Variants in CACNA1H observed in about 807,000 individuals in gnomAD.
The protein encoded by CACNA1H is voltage-dependent T-type calcium channel subunit alpha-1H.
A neutral mutation model predicts 192.5 loss-of-function variants in CACNA1H; 149 were observed. The observed-to-expected ratio is 0.77, with a 90% CI of 0.68 to 0.89. CACNA1H has a LOEUF of 0.89. Among genes scored for constraint, CACNA1H ranks in the 40% least tolerant of loss-of-function variants. The pLI, the probability that CACNA1H is intolerant of heterozygous loss-of-function variation, is 0.00. For missense variants in CACNA1H, 4,257 were observed against 3,423.5 expected, an observed-to-expected ratio of 1.24 and a Z score of -6.08; for synonymous variants, 2,202 against 1,475.2, an observed-to-expected ratio of 1.49 and a Z score of -11.29.
At chr16:1,172,152 A>T (rs967487808) in intron 2 of CACNA1H, among the ~76,000 whole-genome samples, 4 of 152,166 alleles carry the variant, frequency 2.6e-5, no homozygotes, top group Non-Finnish European at 4.4e-5. Flanking sequence ...TGGGCCGCAC[A>T]CGGTGGGTGT....
At chr16:1,216,895 C>T (rs758658400) in intron 30 of CACNA1H, 37 bp from the exon 31 acceptor site, 25 of 1,549,120 alleles carry the variant, frequency 1.6e-5, no homozygotes, top group Middle Eastern at 1.7e-4. Flanking sequence ...CCTCCCTGCC[C>T]GCCCGTCTGA....
At chr16:1,197,030 C>A (rs1211827632) in intron 5 of CACNA1H, among the ~76,000 whole-genome samples, 1 of 152,176 alleles carries the variant, frequency 6.6e-6, no homozygotes, top group Non-Finnish European at 1.5e-5. Flanking sequence ...TGCAGCAACC[C>A]CCCAAAGTCA....
At chr16:1,217,388 A>G (rs1007404950) in intron 31 of CACNA1H, among the ~76,000 whole-genome samples, 1 of 152,054 alleles carries the variant, frequency 6.6e-6, no homozygotes, top group Non-Finnish European at 1.5e-5. Context: ...GTCTCCCCTT[A>G]CCTGGTGGCC....
intron 2 of CACNA1H, among the ~76,000 whole-genome samples, chr16:1,170,629 T>C (rs1053621615): frequency 6.6e-6 from 1 of 152,072 alleles, no homozygotes; most frequent in African/African-American, 2.4e-5. Context: ...TGGAGCCTGG[T>C]CGGCATCCTG....
At chr16:1,173,707 G>T (rs1446117195) in intron 2 of CACNA1H, among the ~76,000 whole-genome samples, 3 of 152,240 alleles carry the variant, frequency 2.0e-5, no homozygotes, top group African/African-American at 7.2e-5. Context: ...AGGAGGGTGG[G>T]GCTCCCCGGC....
rs74004853 is a variant in CACNA1H at position 1,181,364 on chromosome 16, G to A, written c.300-13608G>A. Among the ~76,000 whole-genome samples the A allele has an allele frequency of 3.6e-3, 548 of 152,396 alleles. 1 individual carries two copies. Among genetic ancestry groups the A allele is most frequent in the African/African-American group, 0.013 (529 of 41,598 alleles). On this transcript the variant is annotated intron_variant, in intron 2 of 34. Coordinates refer to ENST00000348261, the MANE Select transcript of CACNA1H (RefSeq NM_021098.3). ...GGCCCTGACCGGGGACAGCTGCCGA[G>A]CCCCCGGCAACGGTGGGAGCTGAGC...
At chr16:1,219,177 G>T (rs1479134142) in intron 34 of CACNA1H, 47 bp downstream of exon 34, 2 of 1,468,834 alleles carry the variant, frequency 1.4e-6, no homozygotes, top group African/African-American at 1.4e-5. Flanking sequence ...GGGATGGGGG[G>T]CTTGCAGGGA....
At chr16:1,219,345 C>T (rs1032272791) in intron 34 of CACNA1H, among the ~76,000 whole-genome samples, 1 of 152,220 alleles carries the variant, frequency 6.6e-6, no homozygotes, top group South Asian at 2.1e-4. Flanking sequence ...GGCTACAGAG[C>T]TCTTGGCTAC....
In CACNA1H at chr16:1,195,569, G is replaced by T. The variant is rs1418796576; in HGVS notation, c.545+4G>T. 6.3e-7 allele frequency: 1 copy of T among 1,583,916 alleles called. No individual in the cohort carries two copies. The highest frequency in any genetic ancestry group is 8.6e-7 in the Non-Finnish European group (1 of 1,165,744). ...ATTTCTTCATCGTCGTGGCGGGGTAGGCCCCGCCTGGGAGAGGCCACAGCG... is the reference window on the plus strand; with the variant it reads ...ATTTCTTCATCGTCGTGGCGGGGTATGCCCCGCCTGGGAGAGGCCACAGCG... On this transcript the variant is annotated splice_donor_region_variant and intron_variant, in intron 4 of 34. Transcript: ENST00000348261.
chr16:1,176,245 C>T (rs980850016), intron 2 of CACNA1H, among the ~76,000 whole-genome samples: 7 of 152,250 alleles, frequency 4.6e-5, no homozygotes, highest in African/African-American at 1.7e-4. Flanking sequence ...CGGTTCTGAG[C>T]TTGGAGCTCT....
In CACNA1H at chr16:1,218,040, G is replaced by A. The variant is rs879644700; in HGVS notation, c.5445G>A (p.Lys1815=). 4 of 1,592,598 alleles carry A rather than the reference G, an allele frequency of 2.5e-6. No homozygotes were observed. The highest frequency in any genetic ancestry group is 3.4e-6 in the Non-Finnish European group (4 of 1,168,056). Residue 1815 remains lysine (K), a splice_region_variant and synonymous_variant, in exon 32 of 35, where the codon AAG becomes AAA. Transcript: ENST00000348261. ...GGGACAACTGGAACGGGATCATGAA[G>A]GTACCCGCCGCGGCCATGCCTCTGG... The part of the protein sequence containing the change: ...STGDNWNGIM[K]DTLRECSRED...
intron 2 of CACNA1H, among the ~76,000 whole-genome samples, chr16:1,194,701 C>G (rs1024098888): frequency 6.6e-6 from 1 of 152,174 alleles, no homozygotes; most frequent in Admixed American, 6.5e-5. Flanking sequence ...GGCTCCTGCA[C>G]CCCGCTTTCC....
In CACNA1H at chr16:1,200,507, C is replaced by G; in HGVS notation, c.1055C>G (p.Ser352Cys). 1 of 1,612,340 alleles carries G rather than the reference C, an allele frequency of 6.2e-7. No individual in the cohort carries two copies. Among genetic ancestry groups the G allele is most frequent in the Non-Finnish European group, 8.5e-7 (1 of 1,179,730 alleles). ...TACAACGTGTGCCGCTCGGGTGACT[C>G]CAACCCCCACAACGGTGCCATCAAC... ...QYYNVCRSGD[S>C]NPHNGAINFD... is the part of the protein sequence containing the mutation. The change falls in exon 7 of 35, where the codon TCC becomes TGC. Residue 352 changes from serine to cysteine, a missense_variant. Physicochemically the swap from Ser to Cys is moderately radical, Grantham distance 112 (BLOSUM62 -1). Coordinates refer to ENST00000348261, the MANE Select transcript of CACNA1H (RefSeq NM_021098.3).
intron 14 of CACNA1H, 106 bp from the exon 15 acceptor site, chr16:1,207,664 C>T (rs1394206374): frequency 3.7e-6 from 4 of 1,083,818 alleles, no homozygotes; most frequent in Non-Finnish European, 5.5e-6. Flanking sequence ...CCTCTGGGCC[C>T]TTCTGTCCAC....
rs779011503 is a variant in CACNA1H at position 1,206,204 on chromosome 16, C to T, written c.2704C>T (p.Arg902Trp). Residue 902 changes from arginine to tryptophan, a missense_variant, in exon 12 of 35, where the codon CGG becomes TGG. Arg to Trp is a moderately radical substitution (Grantham distance 101). Transcript: ENST00000348261. The stretch of plus-strand genomic sequence containing the variant: ...GCTGGTGCGCTTTCTGCCAGCCCTG[C>T]GGCGCCAGCTCGTGGTGCTGGTGAA... ...LKLVRFLPAL[R>W]RQLVVLVKTM... The T allele has an allele frequency of 2.6e-5, 41 of 1,593,828 alleles. No individual in the cohort carries two copies. Among genetic ancestry groups the T allele is most frequent in the Non-Finnish European group, 3.3e-5 (39 of 1,171,250 alleles).
chr16:1,215,452 G>A (rs557127799), intron 29 of CACNA1H, 71 bp from the exon 30 acceptor site: 69 of 1,578,494 alleles, frequency 4.4e-5, no homozygotes, highest in Admixed American at 2.8e-4. Flanking sequence ...AGTGAGGGGC[G>A]GGGCGGCCAG....
Position 1,204,427 on chromosome 16 carries a change from C to T in CACNA1H, c.2420C>T (p.Thr807Met), listed in dbSNP as rs773952204. ...ATCATGATGGCCATCCTTGTCAACA[C>T]GCTGAGCATGGGCGTGGAGTACCAT... ...RGIMMAILVN[T>M]LSMGVEYHEQ... is the part of the protein sequence containing the mutation. The change falls in exon 10 of 35, where the codon ACG becomes ATG. Residue 807 changes from threonine to methionine, a missense_variant. Thr to Met is a moderately conservative substitution (Grantham distance 81, BLOSUM62 -1). Transcript: ENST00000348261. 1.9e-5 allele frequency: 29 copies of T among 1,549,202 alleles called. No individual in the cohort carries two copies. The Admixed American group carries it at 2.1e-4, about 11-fold the overall frequency.
At chr16:1,198,524 G>C in intron 5 of CACNA1H, 91 bp from the exon 6 acceptor site, 1 of 1,437,574 alleles carries the variant, frequency 7.0e-7, no homozygotes, top group Non-Finnish European at 9.6e-7. Context: ...TGTGAACAGT[G>C]GACGGGGCTC....
chr16:1,159,978 C>G (rs564186075), intron 2 of CACNA1H: 16 of 152,612 alleles, frequency 1.0e-4, no homozygotes, highest in African/African-American at 3.4e-4. Context: ...GCTCCTGGAG[C>G]TGCAGAAGAG....
Sources: gnomAD v4.1 joint callset for allele counts (sites outside exome capture counted in the v4.1 genomes callset) on GRCh38, gnomAD v4.1.1 for gene constraint, MANE v1.5 for transcripts, NCBI Gene and HGNC (gene_info 2026-07-23, HGNC 2026-07-21) for gene names.